The following DNAH10 variants were observed in gnomAD, a reference collection of about 807,000 sequenced individuals.
DNAH10 encodes axonemal beta dynein heavy chain 10.
In DNAH10, 348 loss-of-function variants were observed where a neutral mutation model predicts 506.6. The observed-to-expected ratio is 0.69, with a 90% CI of 0.63 to 0.75. DNAH10 has a LOEUF of 0.75. DNAH10 is among the 30% of genes least tolerant of loss of function. The pLI is 0.00. For synonymous variants in DNAH10, 2,059 were observed against 2,198.6 expected (o/e 0.94, Z 1.78); for missense variants, 5,179 against 5,787.1 (o/e 0.89, Z 3.41).
intron 54 of DNAH10, among the ~76,000 whole-genome samples, chr12:123,896,144 C>CAG (rs1566064148): frequency 2.7e-4 from 30 of 110,688 alleles, no homozygotes; most frequent in African/African-American, 1.1e-3. Context: ...CACACACACA[C>CAG]ACACAGAGAG....
chr12:123,841,308 C>T lies in DNAH10; in HGVS notation c.5137-14C>T, dbSNP rs1338680895. 6.2e-7 allele frequency: 1 copy of T among 1,613,010 alleles called. No homozygotes were observed. Among genetic ancestry groups the T allele is most frequent in the South Asian group, 1.1e-5 (1 of 91,062 alleles). Reference sequence around the variant, plus strand: ...CCGTGCAGGTCTTACAGGGCTGCCTCTCCCTGTTTGCAGATGTACGACAAC... The same window carrying T: ...CCGTGCAGGTCTTACAGGGCTGCCTTTCCCTGTTTGCAGATGTACGACAAC... On this transcript the variant is annotated splice_polypyrimidine_tract_variant and intron_variant, in intron 29 of 78. Coordinates refer to ENST00000673944, the MANE Select transcript of DNAH10 (RefSeq NM_001372106.1).
At chr12:123,804,753 C>T in intron 17 of DNAH10, 80 bp from the exon 18 acceptor site, 1 of 1,435,444 alleles carries the variant, frequency 7.0e-7, no homozygotes, top group Middle Eastern at 2.5e-4. Context: ...TTAAGACACA[C>T]AGCTCATGTT....
intron 52 of DNAH10, among the ~76,000 whole-genome samples, chr12:123,889,368 T>G (rs1952876536): frequency 6.6e-6 from 1 of 152,238 alleles, no homozygotes; most frequent in African/African-American, 2.4e-5. Flanking sequence ...TGCGTCTGTT[T>G]CAGTGGGTTG....
chr12:123,896,879 C>G (rs898011632), intron 54 of DNAH10, among the ~76,000 whole-genome samples: 3 of 152,108 alleles, frequency 2.0e-5, no homozygotes, highest in Non-Finnish European at 4.4e-5. Context: ...CCATTTTAAG[C>G]ATTTTGAAAT....
At chr12:123,931,899 G>C in intron 75 of DNAH10, 42 bp from the exon 76 acceptor site, 1 of 1,612,900 alleles carries the variant, frequency 6.2e-7, no homozygotes, top group South Asian at 1.1e-5. Context: ...GGCACCTGGG[G>C]TTCTGATAGA....
In DNAH10 at chr12:123,762,514, C is replaced by T. The variant is rs1450551971; in HGVS notation, c.178C>T (p.Arg60Cys). ...GGGGCCCTCGGCGCTCTTCATCTAC[C>T]GCACTATGGTGCCGGAGGAGGTGGA... is the stretch of plus-strand genomic sequence containing the variant. The part of the protein sequence containing the change: ...EEGPSALFIY[R>C]TMVPEEVEVE... Residue 60 changes from arginine (R) to cysteine (C), a missense_variant, in exon 1 of 79, where the codon CGC (arginine) becomes TGC (cysteine). Transcript: ENST00000673944. The surrounding 1 kb of genome is among the most constrained non-coding windows in gnomAD (Gnocchi z 5.0). 2.6e-6 allele frequency: 4 copies of T among 1,547,424 alleles called. No individual in the cohort carries two copies. The highest frequency in any genetic ancestry group is 1.4e-5 in the African/African-American group (1 of 72,188).
chr12:123,793,202 T>C (rs936967144), intron 11 of DNAH10, among the ~76,000 whole-genome samples: 10 of 152,256 alleles, frequency 6.6e-5, no homozygotes, highest in African/African-American at 2.4e-4. Context: ...GCCCCTCACC[T>C]TCATGCACAC....
chr12:123,839,876 A>G (rs1002981437), intron 29 of DNAH10, among the ~76,000 whole-genome samples: 5 of 152,142 alleles, frequency 3.3e-5, no homozygotes, highest in African/African-American at 1.2e-4. Context: ...AAATAAATGT[A>G]TATGTATCCA....
chr12:123,901,160 C>T (rs1022610817), intron 56 of DNAH10, among the ~76,000 whole-genome samples: 1 of 152,238 alleles, frequency 6.6e-6, no homozygotes, highest in South Asian at 2.1e-4. Flanking sequence ...CCTGGCTTCG[C>T]CAGCCCCCTT....
intron 19 of DNAH10, 64 bp from the exon 20 acceptor site, chr12:123,813,100 A>G (rs1439724881): frequency 3.4e-6 from 4 of 1,167,282 alleles, no homozygotes; most frequent in Non-Finnish European, 4.9e-6. Flanking sequence ...GAATACTAAT[A>G]TGTACGTTGG....
chr12:123,799,481 A>C (rs1391580040), intron 14 of DNAH10, 110 bp downstream of exon 14: 1 of 1,426,244 alleles, frequency 7.0e-7, no homozygotes, highest in Admixed American at 2.1e-5. Flanking sequence ...AGTTTCCAGA[A>C]TCAAAGACAA....
At chr12:123,831,227 G>GT (rs1472539396) in intron 26 of DNAH10, among the ~76,000 whole-genome samples, 1 of 145,680 alleles carries the variant, frequency 6.9e-6, no homozygotes, top group Non-Finnish European at 1.5e-5. Flanking sequence ...ACTTTTTAGT[G>GT]TATTTCTTTG....
chr12:123,769,463 C>T (rs1472655894), intron 2 of DNAH10, among the ~76,000 whole-genome samples: 1 of 152,178 alleles, frequency 6.6e-6, no homozygotes, highest in African/African-American at 2.4e-5. Flanking sequence ...AGGCGTGAGC[C>T]ACCACGCCCG....
intron 12 of DNAH10, among the ~76,000 whole-genome samples, chr12:123,795,786 G>T (rs1480173594): frequency 1.3e-5 from 2 of 152,086 alleles, no homozygotes; most frequent in African/African-American, 2.4e-5. Context: ...CGAGAGCTCA[G>T]ACATGCTTCT....
chr12:123,856,538 T>C (rs1265054967), intron 36 of DNAH10, among the ~76,000 whole-genome samples: 1 of 150,804 alleles, frequency 6.6e-6, no homozygotes, highest in Admixed American at 6.6e-5. Context: ...GATTTCACCA[T>C]GTCGGCCAGG....
intron 32 of DNAH10, among the ~76,000 whole-genome samples, chr12:123,847,258 CTATCT>C (rs1950992830): frequency 4.7e-5 from 7 of 149,064 alleles, no homozygotes; most frequent in Non-Finnish European, 5.9e-5. Flanking sequence ...ATCTATCTAT[CTATCT>C]ATCCATCCAT....
chr12:123,800,415 C>T (rs1170284124), intron 15 of DNAH10, 27 bp downstream of exon 15: 1 of 1,604,324 alleles, frequency 6.2e-7, no homozygotes, highest in Non-Finnish European at 8.5e-7. Context: ...TTTAAATTAG[C>T]AGTAAGCTTT....
intron 17 of DNAH10, among the ~76,000 whole-genome samples, chr12:123,804,283 T>C (rs1053652933): frequency 1.3e-5 from 2 of 152,132 alleles, no homozygotes; most frequent in South Asian, 2.1e-4. Flanking sequence ...CCCAGCACTT[T>C]GGGAGGCTGA....
intron 47 of DNAH10, among the ~76,000 whole-genome samples, chr12:123,875,836 C>T (rs898516421): frequency 2.6e-5 from 4 of 152,146 alleles, no homozygotes; most frequent in African/African-American, 9.7e-5. Context: ...CAGTCCCCTT[C>T]TGCTCCGGGA....
Sources: allele counts gnomAD v4.1 joint callset (sites outside exome capture counted in the v4.1 genomes callset), GRCh38; gene constraint gnomAD v4.1.1; non-coding constraint Gnocchi (gnomAD v3.1); transcripts MANE v1.5; gene names NCBI Gene and HGNC (gene_info 2026-07-23, HGNC 2026-07-21).